HOXA9: variants seen among roughly 807,000 people sequenced by gnomAD.
The protein encoded by HOXA9 is homeobox protein Hox-A9.
Under a neutral mutation model 19.0 loss-of-function variants are expected in HOXA9, and 18 were observed. The ratio of observed to expected loss-of-function variants is 0.95; its 90% CI spans 0.65 to 1.40. The LOEUF is 1.40. HOXA9 is among the 40% of genes most tolerant of loss of function. The pLI, the probability that HOXA9 is intolerant of heterozygous loss-of-function variation, is 0.00. For synonymous variants in HOXA9, 198 were observed against 161.1 expected (o/e 1.23, Z -1.73); for missense variants, 443 against 372.2 (o/e 1.19, Z -1.57).
rs779294546 is a variant in HOXA9, at chr7:27,163,855, A to G, written c.581-14T>C. 4 of 1,607,590 alleles carry G rather than the reference A, an allele frequency of 2.5e-6. No individual in the cohort carries two copies. In the Admixed American group the frequency reaches 6.7e-5, roughly 27 times the overall value. On this transcript the variant is annotated splice_polypyrimidine_tract_variant and intron_variant, in intron 1 of 1. Transcript: ENST00000343483. ...CTGCTGGGTTATCTGCGGGGAAGAG[A>G]AACACTGGGTTTAGGAGCAGAAGAC...
chr7:27,162,519 A>T lies in HOXA9; in HGVS notation c.*1084T>A, dbSNP rs1783221013. The T allele has an allele frequency of 4.8e-6, 1 of 209,068 alleles. No individual in the cohort carries two copies. The highest frequency in any genetic ancestry group is 2.3e-5 in the African/African-American group (1 of 43,940). The allele number at this position is 209,068 out of a possible 1,614,324, so 13.0% of individuals were successfully genotyped here. A position where few individuals can be genotyped will look rare whatever the true frequency, so the allele number is the denominator to read the frequency against. On this transcript the variant is annotated 3_prime_UTR_variant, in exon 2 of 2. Coordinates refer to ENST00000343483, the MANE Select transcript of HOXA9 (RefSeq NM_152739.4). ...CAATTTGGTCAGTAGGCCTTGAGGT[A>T]ACTATTGCAAAATATACAGTGTAAG...
Position 27,162,639 on chromosome 7 carries a change from A to G in HOXA9, c.*964T>C. ...TGTATAATTTATTATCAATAAAATT[A>G]ACTCCGTTACAATCAGCATTCATTT... On this transcript the variant is annotated 3_prime_UTR_variant, in exon 2 of 2. Coordinates refer to ENST00000343483, the MANE Select transcript of HOXA9 (RefSeq NM_152739.4). 1 of 209,398 alleles carries G rather than the reference A, an allele frequency of 4.8e-6. No individual in the cohort carries two copies. Among genetic ancestry groups the G allele is most frequent in the Non-Finnish European group, 9.7e-6 (1 of 102,670 alleles). 13.0% of individuals were successfully genotyped at this position (209,398 alleles called of 1,614,324 possible).
chr7:27,164,867 G>A lies in HOXA9; in HGVS notation c.580+11C>T. 6.2e-7 allele frequency: 1 copy of A among 1,610,202 alleles called. No homozygotes were observed. ...GAGGCGGCGGCGGATTTGAAGGGAG[G>A]AGACACTTACTGGGATCGATGGGGG... On this transcript the variant is annotated intron_variant, in intron 1 of 1. Coordinates refer to ENST00000343483, the MANE Select transcript of HOXA9 (RefSeq NM_152739.4).
chr7:27,164,909 C>G lies in HOXA9; in HGVS notation c.549G>C (p.Glu183Asp), dbSNP rs1260816522. 5.6e-6 allele frequency: 9 copies of G among 1,614,080 alleles called. No homozygotes were observed. The East Asian group carries it at 1.1e-4, about 20-fold the overall frequency. Residue 183 changes from glutamate to aspartate, a missense_variant, in exon 1 of 2, where the codon GAG (glutamate) becomes GAC (aspartate). Transcript: ENST00000343483. ...CGATGGGGGGCTTGTCTCCGCCGCT[C>G]TCATTCTCAGCATTGTTTTCAGAGA... ...GAFSENNAEN[E>D]SGGDKPPIDP...
At position 27,163,320 on chromosome 7, in the gene HOXA9, T is replaced by C. The variant is rs750779480; in HGVS notation, c.*283A>G. On this transcript the variant is annotated 3_prime_UTR_variant, in exon 2 of 2. Coordinates refer to ENST00000343483, the MANE Select transcript of HOXA9 (RefSeq NM_152739.4). ...GATTTTTAAAAATATATATACAAGC[T>C]AACACACACAGCTATCAGCACTAAT... The C allele has an allele frequency of 1.4e-4, 53 of 386,984 alleles. No homozygotes were observed. The highest frequency in any genetic ancestry group is 2.2e-4 in the Non-Finnish European group (48 of 215,796). The allele number at this position is 386,984 out of a possible 1,614,324, so 24.0% of individuals were successfully genotyped here. A position where few individuals can be genotyped will look rare whatever the true frequency, so the allele number is the denominator to read the frequency against.
At position 27,165,345 on chromosome 7, in the gene HOXA9, G is replaced by A. The variant is rs1783308802; in HGVS notation, c.113C>T (p.Pro38Leu). ...GGCCAGCGTCGCCGCCTGCCGGGGAGGCTGGCCCAGGGTCCCCGGCGCATA... is the reference window on the plus strand; with the variant it reads ...GGCCAGCGTCGCCGCCTGCCGGGGAAGCTGGCCCAGGGTCCCCGGCGCATA... ...GRYAPGTLGQ[P>L]PRQAATLAEH... Residue 38 changes from proline to leucine, a missense_variant, in exon 1 of 2, where the codon CCT becomes CTT. Physicochemically the swap from Pro to Leu is moderately conservative, Grantham distance 98. Coordinates refer to ENST00000343483, the MANE Select transcript of HOXA9 (RefSeq NM_152739.4). 7 of 1,587,748 alleles carry A rather than the reference G, an allele frequency of 4.4e-6. No homozygotes were observed. The highest frequency in any genetic ancestry group is 1.8e-5 in the Admixed American group (1 of 56,780).
chr7:27,164,047 G>T (rs977914605), intron 1 of HOXA9, among the ~76,000 whole-genome samples: 1 of 151,986 alleles, frequency 6.6e-6, no homozygotes, highest in Non-Finnish European at 1.5e-5. Flanking sequence ...ACTTTGGCTC[G>T]CCCTCCCCTC....
intron 1 of HOXA9, among the ~76,000 whole-genome samples, 162 bp from the exon 2 acceptor site, chr7:27,164,003 G>T (rs768635071): frequency 2.0e-5 from 3 of 152,112 alleles, no homozygotes; most frequent in Non-Finnish European, 4.4e-5. Flanking sequence ...GCAGACAGAC[G>T]CACAGACAGT....
In HOXA9 at chr7:27,162,782, C is replaced by G. The variant is rs963511788; in HGVS notation, c.*821G>C. Reference sequence around the variant, plus strand: ...CAATATTCAAGCTTGTCTGATTATGCATATTTTCTTTAATCATATAGATTA... The same window carrying G: ...CAATATTCAAGCTTGTCTGATTATGGATATTTTCTTTAATCATATAGATTA... On this transcript the variant is annotated 3_prime_UTR_variant, in exon 2 of 2. Coordinates refer to ENST00000343483, the MANE Select transcript of HOXA9 (RefSeq NM_152739.4). 3 of 205,198 alleles carry G rather than the reference C, an allele frequency of 1.5e-5. No homozygotes were observed. The highest frequency in any genetic ancestry group is 6.9e-5 in the African/African-American group (3 of 43,650). 12.7% of individuals were successfully genotyped at this position (205,198 alleles called of 1,614,324 possible).
At position 27,164,930 on chromosome 7, in the gene HOXA9, A is replaced by T; in HGVS notation, c.528T>A (p.Ser176=). Residue 176 remains serine, a synonymous_variant, in exon 1 of 2, where the codon TCT becomes TCA. Transcript: ENST00000343483. ...CGCTCTCATTCTCAGCATTGTTTTCAGAGAAGGCGCCTTCGCTGGGTTGTT... is the reference window on the plus strand; with the variant it reads ...CGCTCTCATTCTCAGCATTGTTTTCTGAGAAGGCGCCTTCGCTGGGTTGTT... ...REKQPSEGAF[S]ENNAENESGG... 3 of 1,614,206 alleles carry T rather than the reference A, an allele frequency of 1.9e-6. No homozygotes were observed. Among genetic ancestry groups the T allele is most frequent in the South Asian group, 1.1e-5 (1 of 91,092 alleles).
Position 27,165,449 on chromosome 7 carries a change from G to A in HOXA9, c.9C>T (p.Thr3=). MA[T]TGALGNYYVD... ...CGTAGTAGTTGCCCAGGGCCCCAGTGGTGGCCATCACCGTGCCCAGCGCCT... is the reference window on the plus strand; with the variant it reads ...CGTAGTAGTTGCCCAGGGCCCCAGTAGTGGCCATCACCGTGCCCAGCGCCT... The change falls in exon 1 of 2, where the codon ACC becomes ACT. Residue 3 remains threonine (T), a synonymous_variant. Transcript: ENST00000343483. The A allele has an allele frequency of 6.2e-7, 1 of 1,602,510 alleles. No homozygotes were observed. Among genetic ancestry groups the A allele is most frequent in the Non-Finnish European group, 8.5e-7 (1 of 1,176,366 alleles).
intron 1 of HOXA9, 43 bp downstream of exon 1, chr7:27,164,835 C>G: frequency 6.3e-7 from 1 of 1,583,016 alleles, no homozygotes; most frequent in Non-Finnish European, 8.6e-7. Context: ...TCCGGGAGGC[C>G]GGCGTGGAGG....
At chr7:27,164,127 A>G (rs533156165) in intron 1 of HOXA9, among the ~76,000 whole-genome samples, 1 of 152,042 alleles carries the variant, frequency 6.6e-6, no homozygotes, top group South Asian at 2.1e-4. Context: ...AAAACGCTGT[A>G]TAGAATGAAA....
rs767898055 is a variant in HOXA9 at position 27,165,390 on chromosome 7, T to G, written c.68A>C (p.Asp23Ala). 1 of 1,608,126 alleles carries G rather than the reference T, an allele frequency of 6.2e-7. No individual in the cohort carries two copies. The highest frequency in any genetic ancestry group is 1.1e-5 in the South Asian group (1 of 90,536). ...CGCATAGCGGCCAACGCTCAGCTCA[T>G]CCGCGGCGTCGGCGCCCAGCAGGAA... Reference protein sequence around the residue: ...DSFLLGADAADELSVGRYAPG... With the variant: ...DSFLLGADAAAELSVGRYAPG... The change falls in exon 1 of 2, where the codon GAT (aspartate) becomes GCT (alanine). Residue 23 changes from aspartate (D) to alanine (A), a missense_variant. Asp to Ala is a moderately radical substitution (Grantham distance 126). Transcript: ENST00000343483.
At position 27,163,838 on chromosome 7, in the gene HOXA9, T is replaced by G. The variant is rs756823593; in HGVS notation, c.584A>C (p.Asn195Thr). The G allele has an allele frequency of 1.4e-5, 22 of 1,613,300 alleles. No homozygotes were observed. Among genetic ancestry groups the G allele is most frequent in the African/African-American group, 2.7e-5 (2 of 74,830 alleles). ...GGDKPPIDPN[N>T]PAANWLHARS... is the part of the protein sequence containing the mutation. ...CGCATGAAGCCAGTTGGCTGCTGGG[T>G]TATCTGCGGGGAAGAGAAACACTGG... The change falls in exon 2 of 2, where the codon AAC (asparagine) becomes ACC (threonine). Residue 195 changes from asparagine to threonine, a missense_variant. Physicochemically the swap from Asn to Thr is moderately conservative, Grantham distance 65. Transcript: ENST00000343483.
chr7:27,163,498 G>T lies in HOXA9; in HGVS notation c.*105C>A. ...TAGAGCCGCTTTGTGCGGGGATGGT[G>T]GAGGCTAGGGTGGGGGTGAGAGAAG... On this transcript the variant is annotated 3_prime_UTR_variant, in exon 2 of 2. Transcript: ENST00000343483. 2 of 901,918 alleles carry T rather than the reference G, an allele frequency of 2.2e-6. No homozygotes were observed. The highest frequency in any genetic ancestry group is 3.5e-6 in the Non-Finnish European group (2 of 576,842). 55.9% of individuals were successfully genotyped at this position (901,918 alleles called of 1,614,324 possible). A position where few individuals can be genotyped will look rare whatever the true frequency, so the allele number is the denominator to read the frequency against.
rs1204760368 is a variant in HOXA9, at chr7:27,163,825, G to C, written c.597C>G (p.Asn199Lys). The C allele has an allele frequency of 6.2e-7, 1 of 1,613,892 alleles. No homozygotes were observed. The highest frequency in any genetic ancestry group is 8.5e-7 in the Non-Finnish European group (1 of 1,179,960). ...TCCGAGTGGAGCGCGCATGAAGCCAGTTGGCTGCTGGGTTATCTGCGGGGA... is the reference window on the plus strand; with the variant it reads ...TCCGAGTGGAGCGCGCATGAAGCCACTTGGCTGCTGGGTTATCTGCGGGGA... Reference protein sequence around the residue: ...PPIDPNNPAANWLHARSTRKK... With the variant: ...PPIDPNNPAAKWLHARSTRKK... Residue 199 changes from asparagine to lysine, a missense_variant, in exon 2 of 2, where the codon AAC becomes AAG. Asn to Lys is a moderately conservative substitution (Grantham distance 94, BLOSUM62 0). Transcript: ENST00000343483.
Position 27,163,544 on chromosome 7 carries a change from G to A in HOXA9, c.*59C>T, listed in dbSNP as rs1037987085. On this transcript the variant is annotated 3_prime_UTR_variant, in exon 2 of 2. Transcript: ENST00000343483. ...AGAAGGGAGAAGGCGGAAGGGGGAC[G>A]GACAGTTCTTTCTTTTTCTCTCTAG... 1.9e-5 allele frequency: 25 copies of A among 1,322,910 alleles called. No homozygotes were observed. The highest frequency in any genetic ancestry group is 1.8e-5 in the Admixed American group (1 of 54,144). 81.9% of individuals were successfully genotyped at this position (1,322,910 alleles called of 1,614,324 possible).
At position 27,165,532 on chromosome 7, in the gene HOXA9, G is replaced by A. The variant is rs1057326391; in HGVS notation, c.-75C>T. 5.5e-6 allele frequency: 8 copies of A among 1,451,870 alleles called. No homozygotes were observed. The highest frequency in any genetic ancestry group is 2.6e-5 in the Admixed American group (1 of 38,530). The allele number at this position is 1,451,870 out of a possible 1,614,324, so 89.9% of individuals were successfully genotyped here. On this transcript the variant is annotated 5_prime_UTR_variant, in exon 1 of 2. Transcript: ENST00000343483. ...AACTGCAGATTTCATGTAACAACTTGGTGGCACCGGGGGGGAAGTACAGTC... is the reference window on the plus strand; with the variant it reads ...AACTGCAGATTTCATGTAACAACTTAGTGGCACCGGGGGGGAAGTACAGTC...
Sources: allele counts gnomAD v4.1 joint callset (sites outside exome capture counted in the v4.1 genomes callset), GRCh38; gene constraint gnomAD v4.1.1; transcripts MANE v1.5; gene names NCBI Gene and HGNC (gene_info 2026-07-23, HGNC 2026-07-21).